Variants in ELMO1 observed in about 807,000 individuals in gnomAD.
ELMO1 encodes engulfment and cell motility 1, also known as engulfment and cell motility protein 1.
In ELMO1, 26 loss-of-function variants were observed where a neutral mutation model predicts 98.9. The observed-to-expected ratio is 0.26, with a 90% CI of 0.19 to 0.36. The LOEUF is 0.36. Among genes scored for constraint, ELMO1 ranks in the 10% least tolerant of loss-of-function variants. The pLI, the probability that ELMO1 is intolerant of heterozygous loss-of-function variation, is 1.00. For synonymous variants in ELMO1, 346 were observed against 346.0 expected, an observed-to-expected ratio of 1.00 and a Z score of 0.00; for missense variants, 627 against 935.2, an observed-to-expected ratio of 0.67 and a Z score of 4.30.
intron 8 of ELMO1, among the ~76,000 whole-genome samples, chr7:37,229,565 A>C (rs998111353): frequency 2.6e-5 from 4 of 152,228 alleles, no homozygotes; most frequent in African/African-American, 9.6e-5. Flanking sequence ...ACTCTAGACC[A>C]CAGAGATAGG....
At chr7:37,063,043 A>G (rs1001631690) in intron 15 of ELMO1, among the ~76,000 whole-genome samples, 3 of 152,142 alleles carry the variant, frequency 2.0e-5, no homozygotes, top group African/African-American at 7.2e-5. Flanking sequence ...AATTTATTTA[A>G]TCCTCCCGGT....
intron 14 of ELMO1, among the ~76,000 whole-genome samples, chr7:37,122,159 C>T (rs1786100396): frequency 6.6e-6 from 1 of 152,176 alleles, no homozygotes; most frequent in Non-Finnish European, 1.5e-5. Flanking sequence ...AAAGGAACAA[C>T]CGGTACCAGC....
At chr7:37,077,983 A>C (rs17170866) in intron 15 of ELMO1, among the ~76,000 whole-genome samples, 30,530 of 152,088 alleles carry the variant, frequency 0.2, 3,733 homozygotes, top group African/African-American at 0.34. Flanking sequence ...TTATGTCATA[A>C]GTAATGTCTA....
At chr7:36,871,390 T>C (rs1405202906) in intron 19 of ELMO1, among the ~76,000 whole-genome samples, 1 of 151,782 alleles carries the variant, frequency 6.6e-6, no homozygotes, top group African/African-American at 2.4e-5. Flanking sequence ...GAAATGAAAA[T>C]AAAAAATTAA....
At chr7:37,250,383 T>C (rs147165213) in intron 6 of ELMO1, among the ~76,000 whole-genome samples, 1,718 of 152,278 alleles carry the variant, frequency 0.011, 15 homozygotes, top group South Asian at 0.024. Context: ...TAAAAGAATA[T>C]ATAAAAAACG....
intron 13 of ELMO1, among the ~76,000 whole-genome samples, chr7:37,205,614 A>C (rs1021433203): frequency 6.6e-6 from 1 of 152,184 alleles, no homozygotes; most frequent in Non-Finnish European, 1.5e-5. Flanking sequence ...AAAAATGAGA[A>C]AAACGTGGCC....
chr7:37,290,858 G>A (rs1478293361), intron 4 of ELMO1, among the ~76,000 whole-genome samples: 1 of 152,008 alleles, frequency 6.6e-6, no homozygotes, highest in Non-Finnish European at 1.5e-5. Flanking sequence ...TTTTGATGAT[G>A]ATGATGATGA....
intron 2 of ELMO1, among the ~76,000 whole-genome samples, chr7:37,330,277 C>T (rs558702703): frequency 6.6e-6 from 1 of 152,316 alleles, no homozygotes; most frequent in South Asian, 2.1e-4. Flanking sequence ...TTCAACACAG[C>T]TTAGCATTTG....
rs975250300 is a variant in ELMO1, at chr7:36,974,596, C to T, written c.1437+38703G>A. Among the ~76,000 whole-genome samples, 7 of 151,118 alleles carry T rather than the reference C, an allele frequency of 4.6e-5. No homozygotes were observed. The East Asian group carries it at 5.8e-4, about 12-fold the overall frequency. On this transcript the variant is annotated intron_variant, in intron 16 of 21. Transcript: ENST00000310758. ...CAGGGATTGTAAACGCACCAATCAG[C>T]GCCCTGTCAAAACAGACCACTCGGC...
rs1307507504 is a variant in ELMO1, at chr7:36,870,321, AG to A, written c.1905+71del. The A allele has an allele frequency of 2.8e-5, 37 of 1,336,560 alleles. No individual in the cohort carries two copies. The South Asian group carries it at 3.0e-4, about 11-fold the overall frequency. The allele number at this position is 1,336,560 out of a possible 1,614,324, so 82.8% of individuals were successfully genotyped here. On this transcript the variant is annotated intron_variant, in intron 20 of 21. Coordinates refer to ENST00000310758, the MANE Select transcript of ELMO1 (RefSeq NM_014800.11). This position sits in a 1 kb window ranked among gnomAD's most constrained non-coding sequence, Gnocchi z 4.4. ...ACACACACGAACACTGCTATAAAGG[AG>A]GGCTAGGCTGGCTGCAGTTGCCGAC... is the stretch of plus-strand genomic sequence containing the variant.
chr7:37,028,691 T>TC (rs770120127), intron 15 of ELMO1, among the ~76,000 whole-genome samples: 26 of 152,138 alleles, frequency 1.7e-4, no homozygotes, highest in Non-Finnish European at 2.9e-4. Flanking sequence ...CAAGCGACCG[T>TC]CCCGCCTCAG....
Position 37,018,128 on chromosome 7 carries a change from A to ATTTT in ELMO1, c.1301-4697_1301-4694dup, listed in dbSNP as rs34247625. On this transcript the variant is annotated intron_variant, in intron 15 of 21. Transcript: ENST00000310758. ...TAGTAAACAGTGGCTATTAGTTACT[A>ATTTT]TTTTTTTTTTTTTTTGAGACAGAGT... Among the ~76,000 whole-genome samples, 441 of 144,934 alleles carry ATTTT rather than the reference A, an allele frequency of 3.0e-3. 4 individuals carry two copies. Among genetic ancestry groups the ATTTT allele is most frequent in the African/African-American group, 8.6e-3 (337 of 39,368 alleles).
intron 19 of ELMO1, among the ~76,000 whole-genome samples, chr7:36,872,195 T>C (rs2129041284): frequency 6.6e-6 from 1 of 152,276 alleles, no homozygotes; most frequent in East Asian, 1.9e-4. Flanking sequence ...CTGCAGAAAC[T>C]GAAGGAGTGA....
intron 14 of ELMO1, among the ~76,000 whole-genome samples, chr7:37,122,704 C>A (rs898950130): frequency 6.6e-6 from 1 of 152,152 alleles, no homozygotes; most frequent in Non-Finnish European, 1.5e-5. Context: ...TAACACCCCA[C>A]TGTCAACATT....
chr7:37,037,833 T>C (rs1795281000), intron 15 of ELMO1, among the ~76,000 whole-genome samples: 1 of 152,244 alleles, frequency 6.6e-6, no homozygotes, highest in African/African-American at 2.4e-5. Context: ...GTATATGGCT[T>C]CAAGATATTG....
At chr7:37,242,679 C>T (rs1794819175) in intron 7 of ELMO1, among the ~76,000 whole-genome samples, 1 of 152,152 alleles carries the variant, frequency 6.6e-6, no homozygotes, top group Non-Finnish European at 1.5e-5. Context: ...CTGTTTTTAC[C>T]ATTAAAGTGT....
At chr7:37,194,797 C>T (rs1490847171) in intron 13 of ELMO1, among the ~76,000 whole-genome samples, 5 of 152,182 alleles carry the variant, frequency 3.3e-5, no homozygotes, top group African/African-American at 1.2e-4. Flanking sequence ...ATAAATTCTC[C>T]TTATCCATTT....
chr7:37,243,627 T>C (rs1562548019), intron 7 of ELMO1, among the ~76,000 whole-genome samples: 1 of 152,140 alleles, frequency 6.6e-6, no homozygotes, highest in Non-Finnish European at 1.5e-5. Flanking sequence ...ACATTGAAGG[T>C]GATGAGGATT....
chr7:36,985,167 G>A (rs1791406207), intron 16 of ELMO1: 1 of 940,140 alleles, frequency 1.1e-6, no homozygotes, highest in Non-Finnish European at 1.3e-6. Context: ...CAGAGCAATA[G>A]CTCAGAGCAT....
Sources: allele counts gnomAD v4.1 joint callset (sites outside exome capture counted in the v4.1 genomes callset), GRCh38; gene constraint gnomAD v4.1.1; non-coding constraint Gnocchi (gnomAD v3.1); transcripts MANE v1.5; gene names NCBI Gene and HGNC (gene_info 2026-07-23, HGNC 2026-07-21).